DMTF1: variants seen among roughly 807,000 people sequenced by gnomAD.
The protein encoded by DMTF1 is cyclin D binding myb like transcription factor 1.
In DMTF1, 39 loss-of-function variants were observed where a neutral mutation model predicts 91.1. That is an observed-to-expected ratio of 0.43 (90% CI 0.33 to 0.56). The LOEUF is 0.56. Ranked by LOEUF, DMTF1 falls within the 20% of genes least tolerant of loss-of-function variation. DMTF1 has a pLI of 0.05. For missense variants in DMTF1, 750 were observed against 914.5 expected (o/e 0.82, Z 2.32); for synonymous variants, 338 against 309.5 (o/e 1.09, Z -0.97).
At position 87,173,588 on chromosome 7, in the gene DMTF1, T is replaced by G; in HGVS notation, c.381T>G (p.Val127=). The G allele has an allele frequency of 6.2e-7, 1 of 1,611,596 alleles. No homozygotes were observed. Among genetic ancestry groups the G allele is most frequent in the Non-Finnish European group, 8.5e-7 (1 of 1,178,820 alleles). The change falls in exon 6 of 18, where the codon GTT becomes GTG. Residue 127 remains valine, a synonymous_variant. Transcript: ENST00000331242. ...DEISPLGNEE[V]SAVSQAWFTT... ...TATCTCCCTTGGGTAACGAGGAAGT[T>G]TCAGCAGTTAGCCAAGCATGGTTTA...
intron 13 of DMTF1, among the ~76,000 whole-genome samples, 191 bp from the exon 14 acceptor site, chr7:87,190,754 C>T (rs770709103): frequency 1.3e-5 from 2 of 151,972 alleles, no homozygotes; most frequent in African/African-American, 2.4e-5. Context: ...CACCCCTGCA[C>T]TATATGTCAT....
At chr7:87,194,625 G>A in intron 16 of DMTF1, 59 bp from the exon 17 acceptor site, 1 of 1,307,382 alleles carries the variant, frequency 7.6e-7, no homozygotes, top group Non-Finnish European at 1.1e-6. Context: ...CCTATACATG[G>A]GATTTTAAGG....
rs750775773 is a variant in DMTF1, at chr7:87,181,384, C to T, written c.710+43C>T. On this transcript the variant is annotated intron_variant, in intron 9 of 17. Coordinates refer to ENST00000331242, the MANE Select transcript of DMTF1 (RefSeq NM_001142327.2). ...TTTCATTAATTCTAATTTTTTATGTCTTACGTCCTTAAAAGTTTTACTTTG... is the reference window on the plus strand; with the variant it reads ...TTTCATTAATTCTAATTTTTTATGTTTTACGTCCTTAAAAGTTTTACTTTG... The T allele has an allele frequency of 3.2e-6, 3 of 951,148 alleles. No individual in the cohort carries two copies. In the East Asian group the frequency reaches 7.6e-5, roughly 24 times the overall value. 58.9% of individuals were successfully genotyped at this position (951,148 alleles called of 1,614,324 possible).
Position 87,166,587 on chromosome 7 carries a change from T to A in DMTF1, c.214T>A (p.Ser72Thr), listed in dbSNP as rs1201197951. ...TATTGATGATTCTACTCCTTGCATATCAGTTGTTGCACTTCCACGTAAGTC... is the reference window on the plus strand; with the variant it reads ...TATTGATGATTCTACTCCTTGCATAACAGTTGTTGCACTTCCACGTAAGTC... ...QSIDDSTPCI[S>T]VVALPLSEND... Residue 72 changes from serine (S) to threonine (T), a missense_variant, in exon 4 of 18, where the codon TCA (serine) becomes ACA (threonine). By Grantham distance (58) the Ser-to-Thr change is moderately conservative. Around this residue, in one of 3 missense-constraint regions of DMTF1, gnomAD observed 150 missense variants for 150.4 expected, o/e 1.00. Transcript: ENST00000331242. The A allele has an allele frequency of 2.5e-6, 4 of 1,612,866 alleles. No individual in the cohort carries two copies. Among genetic ancestry groups the A allele is most frequent in the Non-Finnish European group, 3.4e-6 (4 of 1,179,392 alleles).
chr7:87,177,177 C>T lies in DMTF1; in HGVS notation c.520-2368C>T, dbSNP rs142449500. The stretch of plus-strand genomic sequence containing the variant: ...TTTTTGAAATTTATATAAATAGATT[C>T]ATTCTCTGGATATTCTGTAACTCAG... On this transcript the variant is annotated intron_variant, in intron 7 of 17. Transcript: ENST00000331242. Among the ~76,000 whole-genome samples, 1,072 of 152,198 alleles carry T rather than the reference C, an allele frequency of 7.0e-3. 13 individuals carry two copies. The highest frequency in any genetic ancestry group is 0.025 in the African/African-American group (1,026 of 41,536).
intron 4 of DMTF1, among the ~76,000 whole-genome samples, chr7:87,167,743 AT>A (rs1794158807): frequency 6.6e-6 from 1 of 152,228 alleles, no homozygotes; most frequent in Admixed American, 6.5e-5. Flanking sequence ...CTAATTAAAT[AT>A]TCGTTCCTCC....
intron 13 of DMTF1, among the ~76,000 whole-genome samples, chr7:87,189,705 T>C (rs1169523163): frequency 6.6e-6 from 1 of 152,132 alleles, no homozygotes; most frequent in Non-Finnish European, 1.5e-5. Context: ...AATTTCTTTA[T>C]GTAATGAGCC....
At chr7:87,173,488 TTTTTGTTTTGTTTTG>T in intron 5 of DMTF1, 32 bp from the exon 6 acceptor site, 11 of 1,280,958 alleles carry the variant, frequency 8.6e-6, no homozygotes, top group Non-Finnish European at 1.1e-5. Context: ...AGCTGCCATT[TTTTTGTTTTGTTTTG>T]TTTTGTTTTG....
chr7:87,154,166 C>T (rs541913797), intron 1 of DMTF1: 4 of 152,248 alleles, frequency 2.6e-5, no homozygotes, highest in African/African-American at 7.2e-5. Flanking sequence ...CTTAACGTTA[C>T]AAAAATTGTC....
intron 13 of DMTF1, 80 bp from the exon 14 acceptor site, chr7:87,190,865 G>A: frequency 8.6e-7 from 1 of 1,167,678 alleles, no homozygotes. Context: ...TATGATAATT[G>A]AGTACACTAG....
rs73206927 is a variant in DMTF1, at chr7:87,162,606, G to A, written c.-131-889G>A. Among the ~76,000 whole-genome samples the A allele has an allele frequency of 2.2e-3, 338 of 152,058 alleles. 1 individual carries two copies. The highest frequency in any genetic ancestry group is 3.9e-3 in the Non-Finnish European group (267 of 67,968). ...TTTACATTTCTTTCTCCCATCTTTT[G>A]TAGTAGGTATTACAAAAAAGCCAGC... On this transcript the variant is annotated intron_variant, in intron 1 of 17. Coordinates refer to ENST00000331242, the MANE Select transcript of DMTF1 (RefSeq NM_001142327.2).
intron 11 of DMTF1, chr7:87,184,987 G>T: frequency 2.3e-6 from 1 of 438,308 alleles, no homozygotes; most frequent in Admixed American, 2.6e-5. Context: ...TAAGAGGGCT[G>T]TTCAGTCTCC....
At chr7:87,163,751 T>C (rs1793091520) in intron 2 of DMTF1, 134 bp downstream of exon 2, 1 of 152,256 alleles carries the variant, frequency 6.6e-6, no homozygotes, top group Non-Finnish European at 1.5e-5. Context: ...TTTCAAATAG[T>C]AATTTGCATA....
intron 5 of DMTF1, 126 bp downstream of exon 5, chr7:87,171,215 T>G (rs1380233613): frequency 1.8e-6 from 1 of 553,614 alleles, no homozygotes; most frequent in African/African-American, 2.0e-5. Context: ...TGTGCCCAGG[T>G]TTAGCCCTTA....
rs1406403176 is a variant in DMTF1, at chr7:87,195,383, T to C, written c.*243T>C. 1.4e-5 allele frequency: 5 copies of C among 359,074 alleles called. No individual in the cohort carries two copies. The highest frequency in any genetic ancestry group is 4.4e-5 in the Admixed American group (1 of 22,580). The allele number at this position is 359,074 out of a possible 1,614,324, so 22.2% of individuals were successfully genotyped here. A position where few individuals can be genotyped will look rare whatever the true frequency, so the allele number is the denominator to read the frequency against. On this transcript the variant is annotated 3_prime_UTR_variant, in exon 18 of 18. Transcript: ENST00000331242. ...GGAGTTTTAAGCATAAATCCCTGTT[T>C]AGTGTTACATGGGAATAAGGAATTT...
intron 16 of DMTF1, 102 bp downstream of exon 16, chr7:87,194,204 C>T: frequency 7.7e-7 from 1 of 1,294,854 alleles, no homozygotes. Flanking sequence ...TAAGCTCAAA[C>T]CCCCAACCTC....
At chr7:87,175,936 C>CT (rs998168212) in intron 7 of DMTF1, among the ~76,000 whole-genome samples, 19 of 152,156 alleles carry the variant, frequency 1.2e-4, no homozygotes, top group African/African-American at 4.6e-4. Flanking sequence ...TGGGGTAAAT[C>CT]TGTATTCTCA....
intron 1 of DMTF1, among the ~76,000 whole-genome samples, chr7:87,160,800 A>G (rs1792129368): frequency 6.6e-6 from 1 of 152,114 alleles, no homozygotes; most frequent in Non-Finnish European, 1.5e-5. Context: ...AATACCTCTT[A>G]GGTTTTCTCC....
At chr7:87,175,300 C>T (rs1796036340) in intron 7 of DMTF1, among the ~76,000 whole-genome samples, 2 of 151,986 alleles carry the variant, frequency 1.3e-5, no homozygotes, top group Admixed American at 1.3e-4. Flanking sequence ...GTATTACAGG[C>T]ATGAGCCACC....
Sources: gnomAD v4.1 joint callset for allele counts (sites outside exome capture counted in the v4.1 genomes callset) on GRCh38, gnomAD v4.1.1 for gene constraint, gnomAD v4.1.1 regional missense constraint, MANE v1.5 for transcripts, NCBI Gene and HGNC (gene_info 2026-07-23, HGNC 2026-07-21) for gene names.